ZCCHC7: variants seen among roughly 807,000 people sequenced by gnomAD.
ZCCHC7 encodes the protein zinc finger CCHC domain-containing protein 7.
Under a neutral mutation model 52.0 loss-of-function variants are expected in ZCCHC7, and 35 were observed. That is an observed-to-expected ratio of 0.67 (90% confidence interval 0.51 to 0.89). The LOEUF is 0.89. Among genes scored for constraint, ZCCHC7 ranks in the 40% least tolerant of loss-of-function variants. The probability of loss-of-function intolerance (pLI) is 0.00; values close to 1 mark genes in which losing one functional copy is unlikely to be tolerated. For missense variants in ZCCHC7, 574 were observed against 649.1 expected, an observed-to-expected ratio of 0.88 and a Z score of 1.26; for synonymous variants, 217 against 221.5, an observed-to-expected ratio of 0.98 and a Z score of 0.18.
intron 2 of ZCCHC7, chr9:37,205,453 A>C (rs973228018): frequency 6.5e-6 from 1 of 153,626 alleles, no homozygotes; most frequent in Non-Finnish European, 1.4e-5. Flanking sequence ...AAGTGACTAC[A>C]TAATATTTCA....
At chr9:37,132,920 C>T (rs1271855777) in intron 2 of ZCCHC7, among the ~76,000 whole-genome samples, 4 of 152,136 alleles carry the variant, frequency 2.6e-5, no homozygotes, top group African/African-American at 7.2e-5. Flanking sequence ...GGGCGGATCA[C>T]GAGGTCTGGA....
rs570539357 is a variant in ZCCHC7, at chr9:37,258,195, T to G, written c.611-43993T>G. On this transcript the variant is annotated intron_variant, in intron 2 of 8. Transcript: ENST00000336755. ...TGAGCACTATCCTTTATGTCTCTGTTCCTCAATTTCTCCAGTTATAAAATA... is the reference window on the plus strand; with the variant it reads ...TGAGCACTATCCTTTATGTCTCTGTGCCTCAATTTCTCCAGTTATAAAATA... Among the ~76,000 whole-genome samples the G allele has an allele frequency of 2.6e-5, 4 of 152,286 alleles. No homozygotes were observed. The East Asian group carries it at 7.7e-4, about 29-fold the overall frequency.
intron 2 of ZCCHC7, among the ~76,000 whole-genome samples, chr9:37,266,808 A>G (rs111570304): frequency 2.1e-4 from 32 of 152,214 alleles, no homozygotes; most frequent in African/African-American, 7.7e-4. Flanking sequence ...GGGATGATCA[A>G]GGCTGTAGTG....
At chr9:37,285,897 A>G (rs1828185709) in intron 2 of ZCCHC7, among the ~76,000 whole-genome samples, 1 of 152,218 alleles carries the variant, frequency 6.6e-6, no homozygotes, top group South Asian at 2.1e-4. Context: ...GTAATTATAT[A>G]ATAAAAGTTA....
At chr9:37,349,078 C>T (rs146119725) in intron 6 of ZCCHC7, among the ~76,000 whole-genome samples, 1 of 152,246 alleles carries the variant, frequency 6.6e-6, no homozygotes, top group African/African-American at 2.4e-5. Flanking sequence ...GTTCTGCTGG[C>T]CCATTATACT....
chr9:37,351,441 G>A (rs1821372919), intron 7 of ZCCHC7, among the ~76,000 whole-genome samples: 1 of 152,042 alleles, frequency 6.6e-6, no homozygotes, highest in African/African-American at 2.4e-5. Context: ...GAGTAGCTGG[G>A]ATTACAGGCA....
At chr9:37,231,092 G>A (rs1825380815) in intron 2 of ZCCHC7, among the ~76,000 whole-genome samples, 1 of 152,024 alleles carries the variant, frequency 6.6e-6, no homozygotes, top group African/African-American at 2.4e-5. Flanking sequence ...TACAGGGTGT[G>A]CACCACCATA....
chr9:37,291,233 A>G (rs189496648), intron 2 of ZCCHC7, among the ~76,000 whole-genome samples: 1 of 152,356 alleles, frequency 6.6e-6, no homozygotes, highest in Admixed American at 6.5e-5. Flanking sequence ...CACGTAGTCT[A>G]GGTACTAGAA....
chr9:37,201,382 A>G (rs899270744), intron 2 of ZCCHC7, among the ~76,000 whole-genome samples: 1 of 152,248 alleles, frequency 6.6e-6, no homozygotes, highest in Non-Finnish European at 1.5e-5. Context: ...CTTTATTGTC[A>G]GCATATTATA....
chr9:37,342,708 T>C (rs972591897), intron 6 of ZCCHC7, among the ~76,000 whole-genome samples: 4 of 152,260 alleles, frequency 2.6e-5, no homozygotes, highest in African/African-American at 9.6e-5. Context: ...TAGGTTGTTA[T>C]GTAAGATGAG....
chr9:37,157,930 C>G (rs1820901087), intron 2 of ZCCHC7, among the ~76,000 whole-genome samples: 1 of 152,220 alleles, frequency 6.6e-6, no homozygotes, highest in Non-Finnish European at 1.5e-5. Context: ...TCCAGCAGTT[C>G]TGCTTCTGCC....
intron 2 of ZCCHC7, among the ~76,000 whole-genome samples, chr9:37,161,379 C>A (rs541790648): frequency 6.6e-6 from 1 of 152,204 alleles, no homozygotes; most frequent in Admixed American, 6.5e-5. Flanking sequence ...TCGAGACCAT[C>A]CTGGCTAACA....
In ZCCHC7 at chr9:37,161,650, T is replaced by G. The variant is rs1221415869; in HGVS notation, c.610+34708T>G. ...AAGGCCAGTGCTCTCACTTTGTACA[T>G]TAATAATCTCAGGCCCAAATAAGAT... On this transcript the variant is annotated intron_variant, in intron 2 of 8. Transcript: ENST00000336755. 2.0e-5 allele frequency among the ~76,000 whole-genome samples: 3 copies of G among 152,152 alleles called. No individual in the cohort carries two copies. In the East Asian group the frequency reaches 5.8e-4, roughly 29 times the overall value.
intron 2 of ZCCHC7, among the ~76,000 whole-genome samples, chr9:37,267,493 C>T (rs964147500): frequency 3.9e-5 from 6 of 151,908 alleles, no homozygotes; most frequent in Non-Finnish European, 5.9e-5. Context: ...TCGACCTCGA[C>T]CTCCCAAGCT....
chr9:37,207,486 A>G (rs922873275), intron 2 of ZCCHC7, among the ~76,000 whole-genome samples: 1 of 89,318 alleles, frequency 1.1e-5, no homozygotes, highest in Non-Finnish European at 2.4e-5. Flanking sequence ...TTTATTTATT[A>G]TTTCTCCAGA....
chr9:37,197,366 G>A (rs1212190681), intron 2 of ZCCHC7, among the ~76,000 whole-genome samples: 1 of 152,176 alleles, frequency 6.6e-6, no homozygotes, highest in East Asian at 1.9e-4. Flanking sequence ...CTATGCATGA[G>A]TTTCACTTCT....
intron 2 of ZCCHC7, among the ~76,000 whole-genome samples, chr9:37,230,694 A>G (rs1825359517): frequency 6.6e-6 from 1 of 152,172 alleles, no homozygotes; most frequent in Non-Finnish European, 1.5e-5. Context: ...CTCTGTTGCG[A>G]TATTGCAGAT....
chr9:37,304,299 T>G lies in ZCCHC7; in HGVS notation c.766T>G (p.Cys256Gly). 2 of 1,613,244 alleles carry G rather than the reference T, an allele frequency of 1.2e-6. No homozygotes were observed. The highest frequency in any genetic ancestry group is 1.7e-6 in the Non-Finnish European group (2 of 1,179,708). The change falls in exon 4 of 9, where the codon TGC becomes GGC. Residue 256 changes from cysteine (C) to glycine (G), a missense_variant. Coordinates refer to ENST00000336755, the MANE Select transcript of ZCCHC7 (RefSeq NM_032226.3). ...CDKRGHLSKN[C>G]PLPRKVRRCF... The stretch of plus-strand genomic sequence containing the variant: ...CAAACGTGGTCATTTATCAAAAAAC[T>G]GCCCCTTACCACGAGTACGTGAAAT...
At chr9:37,356,565 G>C (rs1310154139) in intron 8 of ZCCHC7, among the ~76,000 whole-genome samples, 1 of 152,218 alleles carries the variant, frequency 6.6e-6, no homozygotes, top group African/African-American at 2.4e-5. Flanking sequence ...AAGCTAAGAT[G>C]ATTACTGTTC....
Sources: gnomAD v4.1 joint callset for allele counts (sites outside exome capture counted in the v4.1 genomes callset) on GRCh38, gnomAD v4.1.1 for gene constraint, MANE v1.5 for transcripts, NCBI Gene and HGNC (gene_info 2026-07-23, HGNC 2026-07-21) for gene names.